Variants in GBP2 observed in about 807,000 individuals in gnomAD.
GBP2 encodes the protein guanylate-binding protein 2.
GBP2 carries 54 observed loss-of-function variants against 60.8 expected under a neutral mutation model. The observed-to-expected ratio is 0.89, with a 90% CI of 0.71 to 1.11. GBP2 has a LOEUF of 1.11. GBP2 is among the 50% of genes most tolerant of loss of function. The pLI, the probability that GBP2 is intolerant of heterozygous loss-of-function variation, is 0.00. For missense variants in GBP2, 665 were observed against 703.3 expected (o/e 0.95, Z 0.62); for synonymous variants, 243 against 256.5 (o/e 0.95, Z 0.50).
intron 7 of GBP2, 42 bp from the exon 8 acceptor site, chr1:89,112,726 T>G (rs751183284): frequency 6.6e-7 from 1 of 1,504,510 alleles, no homozygotes; most frequent in Middle Eastern, 1.7e-4. Flanking sequence ...AGTAAAGCCA[T>G]GAGGAGGATG....
At chr1:89,112,412 T>C (rs1464345117) in intron 8 of GBP2, 60 bp downstream of exon 8, 7 of 1,420,228 alleles carry the variant, frequency 4.9e-6, no homozygotes, top group Non-Finnish European at 6.9e-6. Context: ...TTCTTCCCAG[T>C]GGGCTTTAAA....
chr1:89,116,678 T>C (rs1681278967), intron 6 of GBP2, among the ~76,000 whole-genome samples: 1 of 152,194 alleles, frequency 6.6e-6, no homozygotes, highest in Non-Finnish European at 1.5e-5. Context: ...ATTTGCTTTT[T>C]TCTTTGTTGC....
chr1:89,113,017 GGCA>G, intron 7 of GBP2: 2 of 308,656 alleles, frequency 6.5e-6, no homozygotes, highest in South Asian at 6.5e-5. Flanking sequence ...ACTGGAGTCA[GGCA>G]GCCTGCCTGG....
rs761189069 is a variant in GBP2 at position 89,109,695 on chromosome 1, G to C, written c.1641C>G (p.Thr547=). 7.4e-6 allele frequency: 12 copies of C among 1,613,392 alleles called. No individual in the cohort carries two copies. The African/African-American group carries it at 1.1e-4, about 14-fold the overall frequency. ...TGAATACCTGAAGTTTAAGAGCGAG[G>C]GTCTTCTCTTGCTCTGCCATTAACT... The part of the protein sequence containing the change: ...RAQLMAEQEK[T]LALKLQEQER... The change falls in exon 10 of 11, where the codon ACC becomes ACG. Residue 547 remains threonine, a synonymous_variant. Transcript: ENST00000370466.
intron 6 of GBP2, among the ~76,000 whole-genome samples, chr1:89,115,086 G>A (rs1371660464): frequency 6.6e-6 from 1 of 152,104 alleles, no homozygotes; most frequent in African/African-American, 2.4e-5. Flanking sequence ...CATCCACTCT[G>A]AAAAACTATT....
At chr1:89,121,701 A>T in intron 2 of GBP2, 76 bp downstream of exon 2, 1 of 1,456,296 alleles carries the variant, frequency 6.9e-7, no homozygotes, top group Non-Finnish European at 9.4e-7. Flanking sequence ...ATCTCTTTCT[A>T]TGCTCACATC....
At position 89,114,002 on chromosome 1, in the gene GBP2, A is replaced by C; in HGVS notation, c.1149+14T>G. On this transcript the variant is annotated intron_variant, in intron 7 of 10. Transcript: ENST00000370466. ...TATTTTTCTGCCTCTCATGACGTAG[A>C]ACACCAAATATACCCCTAATTTCCT... 4 of 1,613,670 alleles carry C rather than the reference A, an allele frequency of 2.5e-6. No homozygotes were observed. Among genetic ancestry groups the C allele is most frequent in the Non-Finnish European group, 3.4e-6 (4 of 1,179,566 alleles).
At position 89,122,039 on chromosome 1, in the gene GBP2, C is replaced by T. The variant is rs1236043377; in HGVS notation, c.-17-56G>A. On this transcript the variant is annotated intron_variant, in intron 1 of 10. Coordinates refer to ENST00000370466, the MANE Select transcript of GBP2 (RefSeq NM_004120.5). ...AGCAGTTTTTAGGTAGTTAGCTATGCTGAACTTTACAATATGGGTTAAATT... is the reference window on the plus strand; with the variant it reads ...AGCAGTTTTTAGGTAGTTAGCTATGTTGAACTTTACAATATGGGTTAAATT... 6.1e-6 allele frequency: 8 copies of T among 1,311,252 alleles called. No individual in the cohort carries two copies. In the Admixed American group the frequency reaches 9.9e-5, roughly 16 times the overall value. 81.2% of individuals were successfully genotyped at this position (1,311,252 alleles called of 1,614,324 possible). A position where few individuals can be genotyped will look rare whatever the true frequency, so the allele number is the denominator to read the frequency against.
chr1:89,123,033 A>G (rs919268062), intron 1 of GBP2, among the ~76,000 whole-genome samples: 1 of 152,082 alleles, frequency 6.6e-6, no homozygotes, highest in Non-Finnish European at 1.5e-5. Context: ...ATCACTATTT[A>G]TCTCATTGCT....
At position 89,106,959 on chromosome 1, in the gene GBP2, T is replaced by G. The variant is rs1289074691; in HGVS notation, c.*1216A>C. On this transcript the variant is annotated 3_prime_UTR_variant, in exon 11 of 11. Coordinates refer to ENST00000370466, the MANE Select transcript of GBP2 (RefSeq NM_004120.5). ...GCTGGTTCATGGTAGCTGTGTTGTT[T>G]TCCCGTGAGATGCCTTTACAATGGT... 2 of 152,226 alleles carry G rather than the reference T, an allele frequency of 1.3e-5. No individual in the cohort carries two copies. The highest frequency in any genetic ancestry group is 2.9e-5 in the Non-Finnish European group (2 of 68,044). 9.4% of individuals were successfully genotyped at this position (152,226 alleles called of 1,614,324 possible).
Position 89,120,269 on chromosome 1 carries a change from G to T in GBP2, c.338C>A (p.Ser113Tyr), listed in dbSNP as rs762436787. The change falls in exon 4 of 11, where the codon TCC becomes TAC. Residue 113 changes from serine (S) to tyrosine (Y), a missense_variant. By Grantham distance (144) the Ser-to-Tyr change is moderately radical. Transcript: ENST00000370466. ...DIEKGDNEND[S>Y]WIFALAILLS... ...GAGGATGGCCAAGGCAAAGATCCAG[G>T]AGTCATTCTCATTGTCACCCTGTAA... is the stretch of plus-strand genomic sequence containing the variant. 1 of 1,613,716 alleles carries T rather than the reference G, an allele frequency of 6.2e-7. No homozygotes were observed. The highest frequency in any genetic ancestry group is 8.5e-7 in the Non-Finnish European group (1 of 1,179,682).
intron 2 of GBP2, 105 bp from the exon 3 acceptor site, chr1:89,121,375 A>T: frequency 4.0e-6 from 4 of 992,730 alleles, no homozygotes; most frequent in Non-Finnish European, 5.8e-6. Context: ...AAAAGAAAAT[A>T]CAACTGGCAT....
intron 6 of GBP2, among the ~76,000 whole-genome samples, chr1:89,115,013 T>G (rs7413158): frequency 0.63 from 96,471 of 152,044 alleles, 31,130 homozygotes; most frequent in East Asian, 0.78. Context: ...AATGCCTATC[T>G]TATATTCCTT....
rs773202895 is a variant in GBP2, at chr1:89,122,005, G to A, written c.-17-22C>T. ...TTCCCTTGTGTGCAAGGAAAAAGATGAAATGGAAAGCAGTTTTTAGGTAGT... is the reference window on the plus strand; with the variant it reads ...TTCCCTTGTGTGCAAGGAAAAAGATAAAATGGAAAGCAGTTTTTAGGTAGT... On this transcript the variant is annotated intron_variant, in intron 1 of 10. Coordinates refer to ENST00000370466, the MANE Select transcript of GBP2 (RefSeq NM_004120.5). The A allele has an allele frequency of 3.9e-6, 6 of 1,539,394 alleles. No individual in the cohort carries two copies. In the South Asian group the frequency reaches 7.4e-5, roughly 19 times the overall value.
rs536651057 is a variant in GBP2, at chr1:89,123,785, G to A, written c.-17-1802C>T. Among the ~76,000 whole-genome samples the A allele has an allele frequency of 4.6e-5, 7 of 152,284 alleles. No homozygotes were observed. The East Asian group carries it at 1.2e-3, about 25-fold the overall frequency. On this transcript the variant is annotated intron_variant, in intron 1 of 10. Transcript: ENST00000370466. ...TGAGTATGCGAAATATCAGAGTTCT[G>A]AAAGTCAGAGCTTTACAACAAGCTG... is the stretch of plus-strand genomic sequence containing the variant.
chr1:89,114,034 C>T lies in GBP2; in HGVS notation c.1131G>A (p.Met377Ile), dbSNP rs981670120. 1.9e-6 allele frequency: 3 copies of T among 1,614,104 alleles called. No homozygotes were observed. Among genetic ancestry groups the T allele is most frequent in the African/African-American group, 1.3e-5 (1 of 74,936 alleles). Residue 377 changes from methionine to isoleucine, a missense_variant, in exon 7 of 11, where the codon ATG (methionine) becomes ATA (isoleucine). Met to Ile is a conservative substitution (Grantham distance 10, BLOSUM62 1). Transcript: ENST00000370466. ...MKNSFKDVDQ[M>I]FQRKLGAQLE... ...AATATACCCCTAATTTCCTCTGGAA[C>T]ATTTGGTCCACATCCTTGAAAGAGT...
At chr1:89,122,070 T>C (rs773267128) in intron 1 of GBP2, 87 bp from the exon 2 acceptor site, 14 of 959,218 alleles carry the variant, frequency 1.5e-5, no homozygotes, top group Non-Finnish European at 2.1e-5. Flanking sequence ...AAATTTTTGT[T>C]TTCTATGCTT....
intron 4 of GBP2, chr1:89,119,952 G>A: frequency 2.0e-6 from 1 of 497,932 alleles, no homozygotes; most frequent in South Asian, 2.2e-5. Flanking sequence ...GTCAGATAGA[G>A]GATATACAGA....
In GBP2 at chr1:89,121,841, C is replaced by T. The variant is rs200629962; in HGVS notation, c.126G>A (p.Ala42=). ...TGCCTGTGCGATAGAGGCCCACAAT[C>T]GCCACCACCACCACAGGCTGCGTAA... The part of the protein sequence containing the change: ...SAITQPVVVV[A]IVGLYRTGKS... Residue 42 remains alanine (A), a synonymous_variant, in exon 2 of 11, where the codon GCG becomes GCA. Coordinates refer to ENST00000370466, the MANE Select transcript of GBP2 (RefSeq NM_004120.5). 18 of 1,614,084 alleles carry T rather than the reference C, an allele frequency of 1.1e-5. No homozygotes were observed. The highest frequency in any genetic ancestry group is 1.7e-5 in the Admixed American group (1 of 60,022).
Sources: gnomAD v4.1 joint callset for allele counts (sites outside exome capture counted in the v4.1 genomes callset) on GRCh38, gnomAD v4.1.1 for gene constraint, MANE v1.5 for transcripts, NCBI Gene and HGNC (gene_info 2026-07-23, HGNC 2026-07-21) for gene names.